Variants in PDSS2 observed in about 807,000 individuals in gnomAD.
PDSS2 encodes decaprenyl diphosphate synthase subunit 2.
A neutral mutation model predicts 44.5 loss-of-function variants in PDSS2; 31 were observed. The observed-to-expected ratio is 0.70, with a 90% CI of 0.52 to 0.94. PDSS2 has a LOEUF of 0.94. Ranked by LOEUF, PDSS2 falls within the 40% of genes least tolerant of loss-of-function variation. PDSS2 has a pLI of 0.00. For synonymous variants in PDSS2, 157 were observed against 180.3 expected, an observed-to-expected ratio of 0.87 and a Z score of 1.03; for missense variants, 452 against 482.2, an observed-to-expected ratio of 0.94 and a Z score of 0.59.
intron 6 of PDSS2, among the ~76,000 whole-genome samples, chr6:107,200,405 T>C (rs1422048686): frequency 6.6e-6 from 1 of 152,202 alleles, no homozygotes; most frequent in Non-Finnish European, 1.5e-5. Flanking sequence ...GCTGGATGTA[T>C]TGGAATCACC....
Position 107,432,648 on chromosome 6 carries a change from C to T in PDSS2, c.296+26342G>A, listed in dbSNP as rs901900214. On this transcript the variant is annotated intron_variant, in intron 1 of 7. Transcript: ENST00000369037. ...AAAATTAGCCAGGCGTGGTGGTGCA[C>T]GCCTGTGGCTGAGGCATGACAATCG... Among the ~76,000 whole-genome samples, 27 of 152,212 alleles carry T rather than the reference C, an allele frequency of 1.8e-4. 1 individual carries two copies. The highest frequency in any genetic ancestry group is 1.0e-3 in the South Asian group (5 of 4,820).
chr6:107,185,277 G>A (rs1218257039), intron 7 of PDSS2, among the ~76,000 whole-genome samples: 4 of 152,062 alleles, frequency 2.6e-5, no homozygotes, highest in African/African-American at 9.7e-5. Context: ...GCTCATTTAC[G>A]GCACAGTCCT....
intron 2 of PDSS2, among the ~76,000 whole-genome samples, chr6:107,286,884 G>GA (rs1245941969): frequency 1.3e-5 from 2 of 151,712 alleles, no homozygotes; most frequent in Non-Finnish European, 2.9e-5. Flanking sequence ...ACTAAAAATA[G>GA]AAAAAATTAG....
chr6:107,273,968 A>G (rs111829287), intron 3 of PDSS2, 61 bp downstream of exon 3: 1 of 1,331,016 alleles, frequency 7.5e-7, no homozygotes, highest in South Asian at 1.2e-5. Flanking sequence ...CTGCAGCTCC[A>G]GCAGCCAACT....
intron 2 of PDSS2, among the ~76,000 whole-genome samples, chr6:107,315,315 T>A (rs983939953): frequency 6.6e-6 from 1 of 152,224 alleles, no homozygotes; most frequent in African/African-American, 2.4e-5. Flanking sequence ...TTTTGCCAAA[T>A]CAGCAGATAA....
intron 7 of PDSS2, among the ~76,000 whole-genome samples, chr6:107,181,889 CAAAAA>C (rs35752637): frequency 9.0e-6 from 1 of 111,366 alleles, no homozygotes. Context: ...GACTCTGTCT[CAAAAA>C]AAAAAAAAAA....
At position 107,265,482 on chromosome 6, in the gene PDSS2, C is replaced by A. The variant is rs73509179; in HGVS notation, c.630+8547G>T. On this transcript the variant is annotated intron_variant, in intron 3 of 7. Coordinates refer to ENST00000369037, the MANE Select transcript of PDSS2 (RefSeq NM_020381.4). Reference sequence around the variant, plus strand: ...AAAGCAGGCTGTCACTGTGAAAAAACAGTGACATATTATAAACAGAAATTC... The same window carrying A: ...AAAGCAGGCTGTCACTGTGAAAAAAAAGTGACATATTATAAACAGAAATTC... Among the ~76,000 whole-genome samples, 809 of 152,296 alleles carry A rather than the reference C, an allele frequency of 5.3e-3. 6 individuals are homozygous for A. The highest frequency in any genetic ancestry group is 0.019 in the African/African-American group (795 of 41,566).
chr6:107,235,684 G>A (rs143335002), intron 4 of PDSS2, among the ~76,000 whole-genome samples: 2 of 152,044 alleles, frequency 1.3e-5, no homozygotes, highest in East Asian at 1.9e-4. Flanking sequence ...CAAAAAAATA[G>A]GGAAATACAA....
chr6:107,340,653 G>A (rs1303130900), intron 1 of PDSS2, among the ~76,000 whole-genome samples: 2 of 152,214 alleles, frequency 1.3e-5, no homozygotes, highest in Non-Finnish European at 2.9e-5. Flanking sequence ...AGCTATCAGT[G>A]CACAACTAGT....
intron 4 of PDSS2, among the ~76,000 whole-genome samples, chr6:107,239,228 G>A (rs1292696408): frequency 6.6e-6 from 1 of 152,152 alleles, no homozygotes; most frequent in Non-Finnish European, 1.5e-5. Flanking sequence ...AGTGAGCTGA[G>A]ATTGTGCCAC....
intron 7 of PDSS2, among the ~76,000 whole-genome samples, chr6:107,180,018 G>A (rs1771916628): frequency 6.6e-6 from 1 of 152,156 alleles, no homozygotes; most frequent in South Asian, 2.1e-4. Context: ...ACTACGTTCA[G>A]TATCTATACA....
At chr6:107,317,357 G>C (rs1777233670) in intron 2 of PDSS2, among the ~76,000 whole-genome samples, 1 of 152,162 alleles carries the variant, frequency 6.6e-6, no homozygotes, top group South Asian at 2.1e-4. Context: ...TGTGACAAGA[G>C]ATGAAGTGTG....
At chr6:107,329,278 G>A (rs1223686425) in intron 2 of PDSS2, among the ~76,000 whole-genome samples, 1 of 152,170 alleles carries the variant, frequency 6.6e-6, no homozygotes, top group African/African-American at 2.4e-5. Flanking sequence ...ACATACTGAG[G>A]TGCGGCTAGC....
chr6:107,285,875 C>A (rs1243372626), intron 2 of PDSS2, among the ~76,000 whole-genome samples: 2 of 152,120 alleles, frequency 1.3e-5, no homozygotes, highest in African/African-American at 4.8e-5. Context: ...CGCACTGGCT[C>A]ATGCCTGTAA....
At chr6:107,222,190 A>T (rs1415949706) in intron 4 of PDSS2, among the ~76,000 whole-genome samples, 3 of 152,030 alleles carry the variant, frequency 2.0e-5, no homozygotes, top group Admixed American at 6.6e-5. Flanking sequence ...TATTTTTTTT[A>T]AAAAAGGTCA....
At chr6:107,359,555 C>T (rs369736416) in intron 1 of PDSS2, among the ~76,000 whole-genome samples, 1 of 148,596 alleles carries the variant, frequency 6.7e-6, no homozygotes. Context: ...GCCCGGGAAG[C>T]GGAGGTTGCA....
At chr6:107,363,744 C>T (rs894480777) in intron 1 of PDSS2, among the ~76,000 whole-genome samples, 24 of 152,274 alleles carry the variant, frequency 1.6e-4, no homozygotes, top group African/African-American at 5.5e-4. Context: ...ATTGGTAGAG[C>T]CGAGTGGCCT....
chr6:107,240,077 T>A (rs1774367557), intron 4 of PDSS2, among the ~76,000 whole-genome samples: 1 of 152,100 alleles, frequency 6.6e-6, no homozygotes, highest in South Asian at 2.1e-4. Flanking sequence ...GCGTAATATA[T>A]AAAACAGCTT....
chr6:107,159,275 A>G (rs999881907), intron 7 of PDSS2, among the ~76,000 whole-genome samples: 4 of 136,142 alleles, frequency 2.9e-5, no homozygotes, highest in African/African-American at 1.1e-4. Context: ...AGCAGTCTTA[A>G]GGGAAGGAAG....
Sources: gnomAD v4.1 joint callset for allele counts (sites outside exome capture counted in the v4.1 genomes callset) on GRCh38, gnomAD v4.1.1 for gene constraint, MANE v1.5 for transcripts, NCBI Gene and HGNC (gene_info 2026-07-23, HGNC 2026-07-21) for gene names.